The following UGT1A9 variants were observed in gnomAD, a reference collection of about 807,000 sequenced individuals.
UGT1A9 encodes UDP glucuronosyltransferase family 1 member A9, also known as UDP-glucuronosyltransferase 1A9.
Under a neutral mutation model 45.0 loss-of-function variants are expected in UGT1A9, and 35 were observed. That is an observed-to-expected ratio of 0.78 (90% confidence interval 0.59 to 1.03). The LOEUF is 1.03. UGT1A9 is among the 50% of genes least tolerant of loss of function. UGT1A9 has a pLI of 0.00. For synonymous variants in UGT1A9, 278 were observed against 250.6 expected, an observed-to-expected ratio of 1.11 and a Z score of -1.03; for missense variants, 687 against 666.6, an observed-to-expected ratio of 1.03 and a Z score of -0.34.
chr2:233,684,049 C>A (rs1387800184), intron 1 of UGT1A9, among the ~76,000 whole-genome samples: 1 of 152,098 alleles, frequency 6.6e-6, no homozygotes, highest in East Asian at 1.9e-4. Flanking sequence ...AGGTGAAACA[C>A]CTGGTGTCTG....
At chr2:233,701,304 C>T (rs2075621938) in intron 1 of UGT1A9, among the ~76,000 whole-genome samples, 1 of 152,082 alleles carries the variant, frequency 6.6e-6, no homozygotes, top group African/African-American at 2.4e-5. Context: ...CACTGTCTTC[C>T]ACAATGGTTG....
intron 1 of UGT1A9, among the ~76,000 whole-genome samples, chr2:233,674,889 T>G (rs951053626): frequency 2.6e-5 from 4 of 152,242 alleles, no homozygotes; most frequent in Non-Finnish European, 4.4e-5. Context: ...CACTTCATAT[T>G]GCTCCTTCCT....
chr2:233,693,346 T>C, intron 1 of UGT1A9: 1 of 1,614,200 alleles, frequency 6.2e-7, no homozygotes, highest in Non-Finnish European at 8.5e-7. Context: ...AGTACAGGAA[T>C]AACATGATTG....
chr2:233,705,692 A>G (rs2075866354), intron 1 of UGT1A9, among the ~76,000 whole-genome samples: 1 of 152,226 alleles, frequency 6.6e-6, no homozygotes, highest in African/African-American at 2.4e-5. Flanking sequence ...AACGACTGGT[A>G]TAAAAATTCA....
chr2:233,767,818 C>G lies in UGT1A9; in HGVS notation c.988-31C>G, dbSNP rs766005162. On this transcript the variant is annotated intron_variant, in intron 2 of 4. Coordinates refer to ENST00000354728, the MANE Select transcript of UGT1A9 (RefSeq NM_021027.3). ...GTTTTCTAATCATATTATGTTCTTT[C>G]TTTACGTTCTGCTCTTTTTGCCCCT... The G allele has an allele frequency of 1.9e-6, 3 of 1,614,028 alleles. No homozygotes were observed. In the South Asian group the frequency reaches 3.3e-5, roughly 18 times the overall value.
chr2:233,681,892 T>A lies in UGT1A9; in HGVS notation c.855+9103T>A, dbSNP rs376801837. 7.6e-6 allele frequency: 12 copies of A among 1,586,876 alleles called. No individual in the cohort carries two copies. In the Admixed American group the frequency reaches 2.1e-4, roughly 28 times the overall value. ...TGTACTTCTTCCACTTACTATATTATAGGAGCTTAGAATCCCAGCTGCTGG... is the reference window on the plus strand; with the variant it reads ...TGTACTTCTTCCACTTACTATATTAAAGGAGCTTAGAATCCCAGCTGCTGG... On this transcript the variant is annotated intron_variant, in intron 1 of 4. Coordinates refer to ENST00000354728, the MANE Select transcript of UGT1A9 (RefSeq NM_021027.3).
intron 1 of UGT1A9, among the ~76,000 whole-genome samples, chr2:233,736,926 C>T (rs1389515258): frequency 2.0e-5 from 3 of 152,150 alleles, no homozygotes; most frequent in Non-Finnish European, 4.4e-5. Flanking sequence ...ACCAGAGGCG[C>T]ACCCACCTAT....
intron 1 of UGT1A9, among the ~76,000 whole-genome samples, chr2:233,697,022 T>C (rs964900890): frequency 1.3e-5 from 2 of 152,140 alleles, no homozygotes; most frequent in Non-Finnish European, 2.9e-5. Flanking sequence ...GTCAGAGATA[T>C]GGGCCCGCAG....
intron 1 of UGT1A9, chr2:233,747,491 G>T: frequency 6.2e-7 from 1 of 1,608,968 alleles, no homozygotes; most frequent in Non-Finnish European, 8.5e-7. Context: ...ATCGCCTTGT[G>T]CTGGGCCACA....
chr2:233,673,124 T>C (rs975545571), intron 1 of UGT1A9, among the ~76,000 whole-genome samples: 10 of 152,216 alleles, frequency 6.6e-5, no homozygotes, highest in Non-Finnish European at 1.5e-4. Flanking sequence ...GAAATGGTCT[T>C]AGTTTTGTGA....
rs923057819 is a variant in UGT1A9 at position 233,747,207 on chromosome 2, T to G, written c.856-19827T>G. ...TGGACAGTCAGCTGTCCGTGTCTTC[T>G]GCTGAGATGGCCACAGGACCCCAGG... On this transcript the variant is annotated intron_variant, in intron 1 of 4. Transcript: ENST00000354728. The G allele has an allele frequency of 3.1e-6, 5 of 1,605,116 alleles. No individual in the cohort carries two copies. In the African/African-American group the frequency reaches 4.0e-5, roughly 13 times the overall value.
intron 1 of UGT1A9, chr2:233,753,231 A>G (rs1378697040): frequency 1.3e-5 from 2 of 152,142 alleles, no homozygotes; most frequent in African/African-American, 4.8e-5. Flanking sequence ...CTTCTTGTAT[A>G]GTTATTATTT....
At chr2:233,746,837 G>A (rs1378280242) in intron 1 of UGT1A9, among the ~76,000 whole-genome samples, 1 of 151,758 alleles carries the variant, frequency 6.6e-6, no homozygotes, top group African/African-American at 2.4e-5. Context: ...CACTGTTGGG[G>A]ACCTCTCAGA....
rs565015143 is a variant in UGT1A9, at chr2:233,688,003, C to A, written c.855+15214C>A. 1.2e-3 allele frequency among the ~76,000 whole-genome samples: 176 copies of A among 152,312 alleles called. 1 individual carries two copies. The highest frequency in any genetic ancestry group is 4.1e-3 in the African/African-American group (171 of 41,580). On this transcript the variant is annotated intron_variant, in intron 1 of 4. Coordinates refer to ENST00000354728, the MANE Select transcript of UGT1A9 (RefSeq NM_021027.3). The stretch of plus-strand genomic sequence containing the variant: ...AATTCAGTGGTTTTCTGTGTGCTCC[C>A]AGATACAATCAACCATCACCAATAT...
intron 1 of UGT1A9, among the ~76,000 whole-genome samples, chr2:233,732,641 C>A (rs1039545438): frequency 3.9e-5 from 6 of 152,094 alleles, no homozygotes; most frequent in African/African-American, 1.4e-4. Context: ...TTTCTGAGAC[C>A]ACTGTTCTGC....
At chr2:233,755,106 A>C in intron 1 of UGT1A9, 1 of 1,334,076 alleles carries the variant, frequency 7.5e-7, no homozygotes, top group Non-Finnish European at 1.0e-6. Flanking sequence ...GTCCGACAAC[A>C]CCTCGTAGGC....
intron 1 of UGT1A9, among the ~76,000 whole-genome samples, chr2:233,695,947 AC>A (rs1335972362): frequency 1.3e-5 from 2 of 152,068 alleles, no homozygotes; most frequent in Non-Finnish European, 2.9e-5. Flanking sequence ...TCTGCCAGAT[AC>A]CAGCTGGGTG....
At chr2:233,680,013 C>CTCTCTCTCTCTTTTTTCTTTT (rs2074471108) in intron 1 of UGT1A9, among the ~76,000 whole-genome samples, 1 of 152,020 alleles carries the variant, frequency 6.6e-6, no homozygotes, top group Non-Finnish European at 1.5e-5. Flanking sequence ...TTCTTTCTTT[C>CTCTCTCTCTCTTTTTTCTTTT]TCTCTCTCTC....
At chr2:233,688,087 T>C (rs1438237954) in intron 1 of UGT1A9, among the ~76,000 whole-genome samples, 1 of 152,198 alleles carries the variant, frequency 6.6e-6, no homozygotes, top group Non-Finnish European at 1.5e-5. Context: ...TGGCAGTCAC[T>C]CCTTATTTCT....
Sources: allele counts gnomAD v4.1 joint callset (sites outside exome capture counted in the v4.1 genomes callset), GRCh38; gene constraint gnomAD v4.1.1; transcripts MANE v1.5; gene names NCBI Gene and HGNC (gene_info 2026-07-23, HGNC 2026-07-21).